DOK6: variants seen among roughly 807,000 people sequenced by gnomAD.
The protein encoded by DOK6 is downstream of tyrosine kinase 6.
Under a neutral mutation model 44.0 loss-of-function variants are expected in DOK6, and 22 were observed. That is an observed-to-expected ratio of 0.50 (90% confidence interval 0.36 to 0.71). DOK6 has a LOEUF of 0.71. Among genes scored for constraint, DOK6 ranks in the 30% least tolerant of loss-of-function variants. The pLI is 0.00. For synonymous variants in DOK6, 166 were observed against 145.5 expected (o/e 1.14, Z -1.01); for missense variants, 340 against 416.4 (o/e 0.82, Z 1.60).
intron 7 of DOK6, among the ~76,000 whole-genome samples, chr18:69,819,783 G>C (rs1254163446): frequency 6.6e-6 from 1 of 152,072 alleles, no homozygotes; most frequent in African/African-American, 2.4e-5. Flanking sequence ...TTCTGTGTCA[G>C]GTTTATTTCA....
chr18:69,762,706 T>A (rs973333891), intron 7 of DOK6, among the ~76,000 whole-genome samples: 1 of 152,220 alleles, frequency 6.6e-6, no homozygotes, highest in Non-Finnish European at 1.5e-5. Flanking sequence ...CAAAGTTTTT[T>A]AAATGCATGG....
At chr18:69,652,304 A>G (rs893684168) in intron 3 of DOK6, among the ~76,000 whole-genome samples, 1 of 152,244 alleles carries the variant, frequency 6.6e-6, no homozygotes, top group African/African-American at 2.4e-5. Context: ...AACTATTTTT[A>G]ATTTTGTTCA....
intron 7 of DOK6, among the ~76,000 whole-genome samples, chr18:69,765,714 G>A (rs1177989952): frequency 6.6e-6 from 1 of 152,118 alleles, no homozygotes; most frequent in East Asian, 1.9e-4. Flanking sequence ...AAAATCTTGA[G>A]TTCTGGAGTC....
rs1985091627 is a variant in DOK6, at chr18:69,647,017, T to C, written c.290-30717T>C. ...ATCTATCTATCTAATCTATCTACTC[T>C]ATCTCATCTATCCATCTGTCTATCC... On this transcript the variant is annotated intron_variant, in intron 3 of 7. Coordinates refer to ENST00000382713, the MANE Select transcript of DOK6 (RefSeq NM_152721.6). 2.0e-5 allele frequency among the ~76,000 whole-genome samples: 3 copies of C among 151,966 alleles called. 1 individual carries two copies.
chr18:69,682,669 A>G (rs1986069600), intron 4 of DOK6, among the ~76,000 whole-genome samples: 1 of 152,184 alleles, frequency 6.6e-6, no homozygotes, highest in African/African-American at 2.4e-5. Context: ...AGTACACCCC[A>G]TCTATGAGGC....
At chr18:69,587,789 A>ACACACACACACACACACACACACC (rs1983539490) in intron 2 of DOK6, among the ~76,000 whole-genome samples, 1 of 151,960 alleles carries the variant, frequency 6.6e-6, no homozygotes, top group Non-Finnish European at 1.5e-5. Context: ...ACACACACAC[A>ACACACACACACACACACACACACC]CACACGAGAA....
chr18:69,755,969 G>A (rs1979341203), intron 6 of DOK6, among the ~76,000 whole-genome samples: 1 of 152,234 alleles, frequency 6.6e-6, no homozygotes, highest in African/African-American at 2.4e-5. Flanking sequence ...ACCTGAAGGG[G>A]CCAGGCTCCT....
chr18:69,577,684 A>G (rs1230341455), intron 2 of DOK6, among the ~76,000 whole-genome samples: 1 of 151,964 alleles, frequency 6.6e-6, no homozygotes, highest in Non-Finnish European at 1.5e-5. Context: ...GAGCATCTCT[A>G]GAGAGATGTT....
intron 1 of DOK6, among the ~76,000 whole-genome samples, chr18:69,458,918 C>T (rs1353768454): frequency 1.4e-5 from 2 of 139,016 alleles, no homozygotes; most frequent in Non-Finnish European, 3.1e-5. Flanking sequence ...ATGGTGAAAC[C>T]CAGTCTTTAC....
intron 2 of DOK6, among the ~76,000 whole-genome samples, chr18:69,584,582 G>A (rs1414417672): frequency 2.0e-5 from 3 of 152,016 alleles, no homozygotes; most frequent in Non-Finnish European, 2.9e-5. Flanking sequence ...GTGAGCCACC[G>A]CGCCCAGACC....
At chr18:69,761,833 AT>A (rs1979565394) in intron 7 of DOK6, among the ~76,000 whole-genome samples, 1 of 152,090 alleles carries the variant, frequency 6.6e-6, no homozygotes, top group South Asian at 2.1e-4. Context: ...TGGACCAAAT[AT>A]GTTAGCAGTG....
intron 3 of DOK6, among the ~76,000 whole-genome samples, chr18:69,676,774 A>G (rs1212900358): frequency 6.6e-6 from 1 of 152,210 alleles, no homozygotes; most frequent in Non-Finnish European, 1.5e-5. Flanking sequence ...ATGCTGACCA[A>G]TGATTTGAGG....
intron 1 of DOK6, among the ~76,000 whole-genome samples, chr18:69,522,475 T>A (rs997980258): frequency 3.9e-5 from 6 of 152,012 alleles, no homozygotes; most frequent in Admixed American, 1.3e-4. Context: ...TTCTAAAAAA[T>A]TTAAATCTAT....
chr18:69,756,535 AAAATG>A (rs1979362023), intron 6 of DOK6, among the ~76,000 whole-genome samples: 1 of 152,242 alleles, frequency 6.6e-6, no homozygotes, highest in Admixed American at 6.5e-5. Flanking sequence ...CTAAGAAAGT[AAAATG>A]AAATAAGTAA....
chr18:69,487,696 T>C (rs2144536743), intron 1 of DOK6, among the ~76,000 whole-genome samples: 1 of 152,298 alleles, frequency 6.6e-6, no homozygotes, highest in East Asian at 1.9e-4. Flanking sequence ...GGTTATTTCA[T>C]CAGCTGGAAA....
At chr18:69,497,914 T>C (rs1980938418) in intron 1 of DOK6, among the ~76,000 whole-genome samples, 2 of 151,888 alleles carry the variant, frequency 1.3e-5, no homozygotes, top group Non-Finnish European at 2.9e-5. Flanking sequence ...CACTTGAAGC[T>C]AGGAATTTGA....
chr18:69,569,481 T>C (rs1258904330), intron 2 of DOK6, among the ~76,000 whole-genome samples: 1 of 152,126 alleles, frequency 6.6e-6, no homozygotes, highest in African/African-American at 2.4e-5. Flanking sequence ...ACAATTACAA[T>C]GTCCAATATA....
intron 7 of DOK6, among the ~76,000 whole-genome samples, chr18:69,799,201 T>G (rs1304651297): frequency 6.6e-6 from 1 of 152,060 alleles, no homozygotes; most frequent in Non-Finnish European, 1.5e-5. Context: ...GAAATACTTC[T>G]TCATTTGACA....
chr18:69,732,425 TACATC>T (rs756364096), intron 5 of DOK6, among the ~76,000 whole-genome samples: 9 of 152,184 alleles, frequency 5.9e-5, no homozygotes, highest in Non-Finnish European at 8.8e-5. Flanking sequence ...TCTTATGACT[TACATC>T]ACATCTTTAC....
Sources: gnomAD v4.1 joint callset for allele counts (sites outside exome capture counted in the v4.1 genomes callset) on GRCh38, gnomAD v4.1.1 for gene constraint, MANE v1.5 for transcripts, NCBI Gene and HGNC (gene_info 2026-07-23, HGNC 2026-07-21) for gene names.